The following SAMD5 variants were observed in gnomAD, a reference collection of about 807,000 sequenced individuals.
SAMD5 encodes sterile alpha motif domain containing 5, also known as sterile alpha motif domain-containing protein 5.
Under a neutral mutation model 11.3 loss-of-function variants are expected in SAMD5, and 13 were observed. That is an observed-to-expected ratio of 1.15 (90% confidence interval 0.75 to 1.83). The LOEUF (loss-of-function observed/expected upper bound fraction) is 1.83. Ranked by LOEUF, SAMD5 falls within the 40% of genes most tolerant of loss-of-function variation. The probability of loss-of-function intolerance (pLI) is 0.00; values close to 1 mark genes in which losing one functional copy is unlikely to be tolerated. For synonymous variants in SAMD5, 129 were observed against 111.3 expected, an observed-to-expected ratio of 1.16 and a Z score of -1.00; for missense variants, 255 against 239.1, an observed-to-expected ratio of 1.07 and a Z score of -0.44.
chr6:147,632,212 C>T (rs1479326354), intron 1 of SAMD5, among the ~76,000 whole-genome samples: 4 of 152,130 alleles, frequency 2.6e-5, no homozygotes, highest in African/African-American at 9.7e-5. Flanking sequence ...CAGTGAATGA[C>T]TCCAGTTTCC....
chr6:147,898,646 T>C, the SAMD5 span, among the ~76,000 whole-genome samples: 1 of 152,224 alleles, frequency 6.6e-6, no homozygotes, highest in Admixed American at 6.5e-5. Context: ...AATAATCTGG[T>C]CTTATTCATT....
chr6:147,909,622 T>TCTCTCTCTC, the SAMD5 span, among the ~76,000 whole-genome samples: 7 of 69,776 alleles, frequency 1.0e-4, no homozygotes, highest in South Asian at 5.8e-4. Context: ...CTTTCTTTCT[T>TCTCTCTCTC]TCTTTCTTTC....
chr6:147,531,979 G>A (rs1788437065), intron 1 of SAMD5, among the ~76,000 whole-genome samples: 1 of 152,024 alleles, frequency 6.6e-6, no homozygotes, highest in South Asian at 2.1e-4. Context: ...ATTCATTGGA[G>A]TAATCATTTC....
At chr6:147,877,847 TACACACACACACACACAC>T in the SAMD5 span, among the ~76,000 whole-genome samples, 1 of 113,076 alleles carries the variant, frequency 8.8e-6, no homozygotes, top group Non-Finnish European at 1.8e-5. Flanking sequence ...TTTATATAAA[TACACACACACACACACAC>T]ACACACACAC....
chr6:147,517,162 A>G (rs573188035), intron 1 of SAMD5, among the ~76,000 whole-genome samples: 9 of 152,286 alleles, frequency 5.9e-5, no homozygotes, highest in Middle Eastern at 6.8e-3. Flanking sequence ...AATGTCATCA[A>G]TGTAATGGAC....
chr6:147,556,656 T>G (rs1394012539), intron 1 of SAMD5, among the ~76,000 whole-genome samples: 1 of 152,244 alleles, frequency 6.6e-6, no homozygotes, highest in East Asian at 1.9e-4. Context: ...TTTCATTATA[T>G]AGTTTTAAAT....
At chr6:147,893,930 C>T in the SAMD5 span, among the ~76,000 whole-genome samples, 1 of 152,088 alleles carries the variant, frequency 6.6e-6, no homozygotes, top group South Asian at 2.1e-4. Context: ...TAATAGCCTA[C>T]TCATTTTTCA....
the SAMD5 span, among the ~76,000 whole-genome samples, chr6:147,832,929 T>G: frequency 6.6e-6 from 1 of 152,268 alleles, no homozygotes; most frequent in African/African-American, 2.4e-5. Flanking sequence ...TCTCAGATAA[T>G]GTTCTCTTGA....
At chr6:147,552,311 C>G (rs1427604603) in intron 1 of SAMD5, among the ~76,000 whole-genome samples, 2 of 152,176 alleles carry the variant, frequency 1.3e-5, no homozygotes, top group Non-Finnish European at 2.9e-5. Context: ...GACCTCTTGC[C>G]TGTTGTACAT....
chr6:147,666,502 G>C (rs1790724617), intron 1 of SAMD5, among the ~76,000 whole-genome samples: 1 of 152,108 alleles, frequency 6.6e-6, no homozygotes, highest in Admixed American at 6.5e-5. Flanking sequence ...CTCCCTGTCA[G>C]AGAGCTTGCT....
intron 1 of SAMD5, among the ~76,000 whole-genome samples, chr6:147,601,682 G>T (rs969912768): frequency 1.3e-5 from 2 of 152,136 alleles, no homozygotes; most frequent in African/African-American, 2.4e-5. Flanking sequence ...CAAAAAATAA[G>T]AAACAAAATT....
chr6:147,910,023 G>A, the SAMD5 span, among the ~76,000 whole-genome samples: 2 of 152,114 alleles, frequency 1.3e-5, no homozygotes, highest in Non-Finnish European at 2.9e-5. Context: ...TTCGGGGAGA[G>A]CAAAGGATGT....
At chr6:147,913,791 T>C in the SAMD5 span, among the ~76,000 whole-genome samples, 1 of 152,260 alleles carries the variant, frequency 6.6e-6, no homozygotes, top group African/African-American at 2.4e-5. Flanking sequence ...GAACTATCTC[T>C]TTAAAAACAT....
chr6:147,919,902 T>C, the SAMD5 span, among the ~76,000 whole-genome samples: 2 of 152,220 alleles, frequency 1.3e-5, no homozygotes, highest in African/African-American at 4.8e-5. Context: ...ATAAAGACAC[T>C]GAGAATTCAG....
chr6:147,655,599 G>A (rs917958861), intron 1 of SAMD5, among the ~76,000 whole-genome samples: 2 of 152,006 alleles, frequency 1.3e-5, no homozygotes, highest in African/African-American at 4.8e-5. Context: ...CATCATTATA[G>A]GTGGCACGAC....
intron 1 of SAMD5, among the ~76,000 whole-genome samples, chr6:147,611,135 G>T (rs1789778721): frequency 6.6e-6 from 1 of 152,152 alleles, no homozygotes; most frequent in Admixed American, 6.6e-5. Context: ...GCCTCCCAAA[G>T]TGCTGGGATT....
At chr6:147,799,109 T>C in the SAMD5 span, among the ~76,000 whole-genome samples, 2 of 152,006 alleles carry the variant, frequency 1.3e-5, no homozygotes, top group Non-Finnish European at 2.9e-5. Flanking sequence ...GATCCTGTCA[T>C]TATGATGTTA....
the SAMD5 span, among the ~76,000 whole-genome samples, chr6:147,819,267 G>A: frequency 6.6e-6 from 1 of 152,100 alleles, no homozygotes; most frequent in African/African-American, 2.4e-5. Flanking sequence ...TATAAGTGGA[G>A]CTAAATGATG....
At chr6:147,921,476 A>C in the SAMD5 span, among the ~76,000 whole-genome samples, 1 of 152,154 alleles carries the variant, frequency 6.6e-6, no homozygotes, top group Non-Finnish European at 1.5e-5. Context: ...GAAAGGGTTA[A>C]ATAGTCTCAT....
Sources: gnomAD v4.1 joint callset for allele counts (sites outside exome capture counted in the v4.1 genomes callset) on GRCh38, gnomAD v4.1.1 for gene constraint, MANE v1.5 for transcripts, NCBI Gene and HGNC (gene_info 2026-07-23, HGNC 2026-07-21) for gene names.